ITPRID1: variants seen among roughly 807,000 people sequenced by gnomAD.
ITPRID1 encodes ITPR interacting domain containing 1, also known as protein ITPRID1.
ITPRID1 carries 96 observed loss-of-function variants against 95.4 expected under a neutral mutation model. The observed-to-expected ratio is 1.01, with a 90% confidence interval of 0.85 to 1.19. The LOEUF is 1.19. Ranked by LOEUF, ITPRID1 falls within the 50% of genes most tolerant of loss-of-function variation. The pLI is 0.00. For missense variants in ITPRID1, 1,339 were observed against 1,252.9 expected, an observed-to-expected ratio of 1.07 and a Z score of -1.04; for synonymous variants, 510 against 453.6, an observed-to-expected ratio of 1.12 and a Z score of -1.58.
intron 1 of ITPRID1, among the ~76,000 whole-genome samples, chr7:31,519,117 G>A (rs1783136219): frequency 6.6e-6 from 1 of 152,154 alleles, no homozygotes; most frequent in East Asian, 1.9e-4. Context: ...GTGCTCTGCA[G>A]GTACCCCAAA....
Position 31,653,068 on chromosome 7 carries a change from T to A in ITPRID1, c.*239T>A. 9.9e-7 allele frequency: 1 copy of A among 1,014,442 alleles called. No individual in the cohort carries two copies. The highest frequency in any genetic ancestry group is 1.3e-6 in the Non-Finnish European group (1 of 745,934). The allele number at this position is 1,014,442 out of a possible 1,614,324, so 62.8% of individuals were successfully genotyped here. A position where few individuals can be genotyped will look rare whatever the true frequency, so the allele number is the denominator to read the frequency against. ...AGAGTATGCAACAGTGACTAAATAG[T>A]ATACGGTCTCTGCCCTGCTAGAACT... On this transcript the variant is annotated 3_prime_UTR_variant, in exon 15 of 15. Coordinates refer to ENST00000615280, the MANE Select transcript of ITPRID1 (RefSeq NM_001257967.3).
downstream of ITPRID1, among the ~76,000 whole-genome samples, chr7:31,658,119 A>G (rs913274237): frequency 2.0e-5 from 3 of 152,240 alleles, no homozygotes; most frequent in Admixed American, 6.5e-5. Context: ...ATGGAGACAC[A>G]AAGATGAAAC....
Position 31,642,955 on chromosome 7 carries a change from A to G in ITPRID1, c.1585A>G (p.Thr529Ala). 6.2e-7 allele frequency: 1 copy of G among 1,614,030 alleles called. No individual in the cohort carries two copies. The highest frequency in any genetic ancestry group is 1.6e-4 in the Middle Eastern group (1 of 6,062). Residue 529 changes from threonine (T) to alanine (A), a missense_variant, in exon 12 of 15, where the codon ACG (threonine) becomes GCG (alanine). Coordinates refer to ENST00000615280, the MANE Select transcript of ITPRID1 (RefSeq NM_001257967.3). ...IPDMACAKTTTRGECPRKDSH... is the reference protein window; with the variant it reads ...IPDMACAKTTARGECPRKDSH... ...AGACATGGCCTGTGCCAAGACCACCACGAGGGGAGAATGCCCAAGGAAAGA... is the reference window on the plus strand; with the variant it reads ...AGACATGGCCTGTGCCAAGACCACCGCGAGGGGAGAATGCCCAAGGAAAGA...
chr7:31,558,204 G>A (rs1470576277), intron 5 of ITPRID1, among the ~76,000 whole-genome samples: 2 of 152,134 alleles, frequency 1.3e-5, no homozygotes, highest in African/African-American at 2.4e-5. Flanking sequence ...ACCAGATGCA[G>A]CCACTTGATC....
chr7:31,618,431 A>G (rs201233060), intron 10 of ITPRID1, among the ~76,000 whole-genome samples: 2 of 151,954 alleles, frequency 1.3e-5, no homozygotes. Flanking sequence ...GCTGTTGCCA[A>G]CTCTTGGCAC....
chr7:31,599,670 C>CTT (rs1786296401), intron 10 of ITPRID1, among the ~76,000 whole-genome samples: 1 of 101,024 alleles, frequency 9.9e-6, no homozygotes, highest in African/African-American at 3.6e-5. Context: ...CTTTCTCTCT[C>CTT]TCTCTCTCTC....
At position 31,533,200 on chromosome 7, in the gene ITPRID1, T is replaced by G. The variant is rs114599206; in HGVS notation, c.-97-16226T>G. Among the ~76,000 whole-genome samples the G allele has an allele frequency of 6.0e-3, 918 of 152,230 alleles. 7 individuals carry two copies. Among genetic ancestry groups the G allele is most frequent in the African/African-American group, 0.019 (800 of 41,540 alleles). The stretch of plus-strand genomic sequence containing the variant: ...ATTTCTTCAATGCATATGAAGCTCT[T>G]AAAAAATCTTTTTTTCCCTCAGTTT... On this transcript the variant is annotated intron_variant, in intron 1 of 14. Coordinates refer to ENST00000615280, the MANE Select transcript of ITPRID1 (RefSeq NM_001257967.3).
chr7:31,528,311 T>C (rs1783487238), intron 1 of ITPRID1, among the ~76,000 whole-genome samples: 1 of 152,344 alleles, frequency 6.6e-6, no homozygotes, highest in South Asian at 2.1e-4. Flanking sequence ...AAAGATCAAG[T>C]CTATTAAAAT....
chr7:31,516,776 A>G (rs1363993218), intron 1 of ITPRID1, among the ~76,000 whole-genome samples: 4 of 152,236 alleles, frequency 2.6e-5, no homozygotes, highest in African/African-American at 9.6e-5. Context: ...GACTGGTACC[A>G]GAAATGTCTT....
chr7:31,646,500 T>C (rs528621160), intron 12 of ITPRID1, among the ~76,000 whole-genome samples: 43 of 152,244 alleles, frequency 2.8e-4, no homozygotes, highest in African/African-American at 9.9e-4. Context: ...AGATTCCTCA[T>C]GGTAAGGACA....
At chr7:31,599,125 C>T (rs1240210672) in intron 10 of ITPRID1, among the ~76,000 whole-genome samples, 1 of 152,120 alleles carries the variant, frequency 6.6e-6, no homozygotes. Context: ...CATTTTGAAA[C>T]ACTGAAATAG....
intron 10 of ITPRID1, among the ~76,000 whole-genome samples, chr7:31,594,959 A>G (rs147755229): frequency 0.021 from 3,233 of 152,206 alleles, 110 homozygotes; most frequent in African/African-American, 0.072. Context: ...TAATTAATTA[A>G]TAACATGTAC....
intron 10 of ITPRID1, among the ~76,000 whole-genome samples, chr7:31,634,150 A>G (rs1789265742): frequency 6.6e-6 from 1 of 152,168 alleles, no homozygotes; most frequent in African/African-American, 2.4e-5. Flanking sequence ...GTCTCCTCCT[A>G]GGCAGAAATG....
downstream of ITPRID1, chr7:31,658,271 G>A: frequency 6.7e-7 from 1 of 1,501,676 alleles, no homozygotes; most frequent in African/African-American, 1.4e-5. Context: ...TCTCTTATAG[G>A]TGAATTATTG....
chr7:31,612,221 A>C (rs147173468), intron 10 of ITPRID1, among the ~76,000 whole-genome samples: 1 of 152,034 alleles, frequency 6.6e-6, no homozygotes, highest in Non-Finnish European at 1.5e-5. Flanking sequence ...CCTCTTTATG[A>C]TACTCTGTAT....
chr7:31,651,726 G>A (rs1205482229), intron 13 of ITPRID1, among the ~76,000 whole-genome samples: 1 of 151,344 alleles, frequency 6.6e-6, no homozygotes, highest in Non-Finnish European at 1.5e-5. Context: ...ATTAAATTGT[G>A]CTCTTAAAAT....
chr7:31,589,796 AAAGG>A (rs1181340569), intron 10 of ITPRID1, among the ~76,000 whole-genome samples: 6 of 152,332 alleles, frequency 3.9e-5, no homozygotes, highest in African/African-American at 1.4e-4. Flanking sequence ...AAACATTGCT[AAAGG>A]AAGTTCTTTA....
At chr7:31,576,415 G>T (rs1256113416) in intron 8 of ITPRID1, among the ~76,000 whole-genome samples, 5 of 152,128 alleles carry the variant, frequency 3.3e-5, no homozygotes, top group African/African-American at 7.2e-5. Context: ...CAATTAAATT[G>T]GTAGGTTTTG....
chr7:31,554,604 C>T (rs1007581503), intron 4 of ITPRID1, 81 bp downstream of exon 4: 141 of 1,550,300 alleles, frequency 9.1e-5, no homozygotes, highest in Non-Finnish European at 1.2e-4. Context: ...TCTGCCTGGG[C>T]AAGGTCGGGG....
Sources: gnomAD v4.1 joint callset for allele counts (sites outside exome capture counted in the v4.1 genomes callset) on GRCh38, gnomAD v4.1.1 for gene constraint, MANE v1.5 for transcripts, NCBI Gene and HGNC (gene_info 2026-07-23, HGNC 2026-07-21) for gene names.